Variants in ZNF554 observed in about 807,000 individuals in gnomAD.
ZNF554 encodes zinc finger protein 554.
In ZNF554, 15 loss-of-function variants were observed where a neutral mutation model predicts 21.2. The observed-to-expected ratio is 0.71, with a 90% confidence interval of 0.47 to 1.09. The LOEUF is 1.09. ZNF554 is among the 50% of genes least tolerant of loss of function. The pLI is 0.00. For synonymous variants in ZNF554, 258 were observed against 251.4 expected (o/e 1.03, Z -0.25); for missense variants, 691 against 662.7 (o/e 1.04, Z -0.47).
In ZNF554 at chr19:2,832,399, G is replaced by A; in HGVS notation, c.350G>A (p.Gly117Glu). ...GTCACTAGTCTTTCCTCATGGACGG[G>A]GTATTTACTTTTTCAACCAGTGGCT... is the stretch of plus-strand genomic sequence containing the variant. Reference protein sequence around the residue: ...SQVTSLSSWTGYLLFQPVASS... With the variant: ...SQVTSLSSWTEYLLFQPVASS... Residue 117 changes from glycine (G) to glutamate (E), a missense_variant, in exon 4 of 5, where the codon GGG (glycine) becomes GAG (glutamate). Gly to Glu is a moderately conservative substitution (Grantham distance 98). Transcript: ENST00000317243. 6.2e-7 allele frequency: 1 copy of A among 1,614,160 alleles called. No homozygotes were observed. The highest frequency in any genetic ancestry group is 8.5e-7 in the Non-Finnish European group (1 of 1,180,030).
intron 3 of ZNF554, among the ~76,000 whole-genome samples, chr19:2,829,910 C>T (rs1016235552): frequency 6.6e-6 from 1 of 151,878 alleles, no homozygotes; most frequent in Non-Finnish European, 1.5e-5. Flanking sequence ...ATGGATTTGC[C>T]TACCCTGGAC....
chr19:2,822,681 AC>A (rs1428688578), intron 1 of ZNF554, among the ~76,000 whole-genome samples: 2 of 152,022 alleles, frequency 1.3e-5, no homozygotes, highest in Admixed American at 6.5e-5. Context: ...GGAGCTATAG[AC>A]CTGGGACAAC....
rs764265490 is a variant in ZNF554 at position 2,834,507 on chromosome 19, C to A, written c.1272C>A (p.Ile424=). The A allele has an allele frequency of 1.1e-5, 18 of 1,614,072 alleles. No individual in the cohort carries two copies. The highest frequency in any genetic ancestry group is 1.5e-5 in the Non-Finnish European group (18 of 1,180,018). Residue 424 remains isoleucine, a synonymous_variant, in exon 5 of 5, where the codon ATC becomes ATA. Coordinates refer to ENST00000317243, the MANE Select transcript of ZNF554 (RefSeq NM_001102651.2). ...CCTTCTGCCAGAGCTCTTACCTGAT[C>A]TTGCACAAGAGGACACACACCGGAG... ...GKSFCQSSYL[I]LHKRTHTGEK... is the part of the protein sequence containing the mutation.
Position 2,833,732 on chromosome 19 carries a change from T to C in ZNF554, c.497T>C (p.Leu166Ser), listed in dbSNP as rs2144824649. The C allele has an allele frequency of 2.6e-6, 4 of 1,555,588 alleles. No individual in the cohort carries two copies. In the East Asian group the frequency reaches 9.1e-5, roughly 35 times the overall value. ...GACTCAACTTACAAGAAGGTGGCTT[T>C]GCAGGAGGAACCAGCCAGTGGTATA... The part of the protein sequence containing the change: ...NQDSTYKKVA[L>S]QEEPASGINM... The change falls in exon 5 of 5, where the codon TTG (leucine) becomes TCG (serine). Residue 166 changes from leucine to serine, a missense_variant. Coordinates refer to ENST00000317243, the MANE Select transcript of ZNF554 (RefSeq NM_001102651.2).
In ZNF554 at chr19:2,833,670, A is replaced by C. The variant is rs199806133; in HGVS notation, c.446-11A>C. The C allele has an allele frequency of 2.0e-6, 3 of 1,510,670 alleles. No homozygotes were observed. Among genetic ancestry groups the C allele is most frequent in the African/African-American group, 2.8e-5 (2 of 71,676 alleles). 93.6% of individuals were successfully genotyped at this position (1,510,670 alleles called of 1,614,324 possible). On this transcript the variant is annotated splice_polypyrimidine_tract_variant and intron_variant, in intron 4 of 4. Coordinates refer to ENST00000317243, the MANE Select transcript of ZNF554 (RefSeq NM_001102651.2). ...TTCTAAAAAAATGGTTTCCGCCTCA[A>C]TTTATTTCAGATTGGATGACTGTAC...
intron 2 of ZNF554, among the ~76,000 whole-genome samples, chr19:2,826,897 C>T (rs981566997): frequency 2.0e-5 from 3 of 151,960 alleles, no homozygotes; most frequent in African/African-American, 7.3e-5. Context: ...CTCCTGACGT[C>T]GTGATCCACC....
chr19:2,825,000 G>GTTTTTTTTTTTTTTTTTT lies in ZNF554; in HGVS notation c.126+1890_126+1891insTTTTTTTTTTTTTTTTTT, dbSNP rs1568332468. Among the ~76,000 whole-genome samples the GTTTTTTTTTTTTTTTTTT allele has an allele frequency of 6.1e-5, 7 of 114,914 alleles. 2 individuals carry two copies. The highest frequency in any genetic ancestry group is 1.1e-4 in the Non-Finnish European group (6 of 55,646). The allele number at this position is 114,914 out of a possible 152,430, so 75.4% of individuals were successfully genotyped here. ...TCTCACTGAGCATAACGTGATTGCA[G>GTTTTTTTTTTTTTTTTTT]TTGTTTTTTTTTTTTTTTTTTTTTT... On this transcript the variant is annotated intron_variant, in intron 2 of 4. Coordinates refer to ENST00000317243, the MANE Select transcript of ZNF554 (RefSeq NM_001102651.2).
chr19:2,825,850 C>T (rs1004278045), intron 2 of ZNF554, among the ~76,000 whole-genome samples: 3 of 152,162 alleles, frequency 2.0e-5, no homozygotes, highest in Non-Finnish European at 4.4e-5. Flanking sequence ...CTCAGGGTGC[C>T]TCCTGTATGC....
chr19:2,823,473 G>A (rs1293037164), intron 2 of ZNF554, among the ~76,000 whole-genome samples: 3 of 152,150 alleles, frequency 2.0e-5, no homozygotes, highest in Non-Finnish European at 4.4e-5. Flanking sequence ...TACTGTTAGA[G>A]CAGCTCAGAG....
At chr19:2,827,546 A>G (rs2087351485) in intron 2 of ZNF554, 71 bp from the exon 3 acceptor site, 15 of 1,550,820 alleles carry the variant, frequency 9.7e-6, no homozygotes, top group African/African-American at 9.7e-5. Flanking sequence ...GGTGCCACCA[A>G]CCTCACCCCT....
In ZNF554 at chr19:2,832,363, A is replaced by C; in HGVS notation, c.314A>C (p.Gln105Pro). The C allele has an allele frequency of 6.2e-7, 1 of 1,613,904 alleles. No homozygotes were observed. Among genetic ancestry groups the C allele is most frequent in the Non-Finnish European group, 8.5e-7 (1 of 1,179,926 alleles). The change falls in exon 4 of 5, where the codon CAA (glutamine) becomes CCA (proline). Residue 105 changes from glutamine to proline, a missense_variant. Transcript: ENST00000317243. Reference sequence around the variant, plus strand: ...AAAGAGGGTCCACTTTCCCCAGCACAAACCTCACAAGTCACTAGTCTTTCC... The same window carrying C: ...AAAGAGGGTCCACTTTCCCCAGCACCAACCTCACAAGTCACTAGTCTTTCC... ...GIKEGPLSPA[Q>P]TSQVTSLSSW...
In ZNF554 at chr19:2,834,564, G is replaced by C. The variant is rs775327031; in HGVS notation, c.1329G>C (p.Lys443Asn). ...CCTACGAATGCAGTGAATGTGGAAA[G>C]GCCTTCAGTGACCGTTCCTCTCTCA... Reference protein sequence around the residue: ...EKPYECSECGKAFSDRSSLNQ... With the variant: ...EKPYECSECGNAFSDRSSLNQ... The change falls in exon 5 of 5, where the codon AAG (lysine) becomes AAC (asparagine). Residue 443 changes from lysine (K) to asparagine (N), a missense_variant. Lys to Asn is a moderately conservative substitution (Grantham distance 94). Transcript: ENST00000317243. 21 of 1,613,930 alleles carry C rather than the reference G, an allele frequency of 1.3e-5. No homozygotes were observed. In the Admixed American group the frequency reaches 3.3e-4, roughly 26 times the overall value.
chr19:2,832,183 C>T (rs1489255775), intron 3 of ZNF554, 120 bp from the exon 4 acceptor site: 2 of 1,005,270 alleles, frequency 2.0e-6, no homozygotes, highest in South Asian at 3.8e-5. Context: ...GCCTCGGCCT[C>T]CCAAATTGCT....
At chr19:2,824,898 GTC>G (rs1423945247) in intron 2 of ZNF554, among the ~76,000 whole-genome samples, 2 of 149,792 alleles carry the variant, frequency 1.3e-5, no homozygotes, top group African/African-American at 4.9e-5. Context: ...CCTACTTTCT[GTC>G]TCTCTGAATC....
rs1367925744 is a variant in ZNF554 at position 2,820,063 on chromosome 19, C to T, written c.-9C>T. The T allele has an allele frequency of 3.3e-6, 4 of 1,208,296 alleles. No homozygotes were observed. Among genetic ancestry groups the T allele is most frequent in the Non-Finnish European group, 3.1e-6 (3 of 972,674 alleles). The allele number at this position is 1,208,296 out of a possible 1,614,324, so 74.8% of individuals were successfully genotyped here. On this transcript the variant is annotated 5_prime_UTR_variant, in exon 1 of 5. Transcript: ENST00000317243. ...GGGGGCCCTGTCTGGCGCCTCAGCG[C>T]GCGCCCCGATGGTCACCTGCGCCCA...
At position 2,836,445 on chromosome 19, in the gene ZNF554, C is replaced by T. The variant is rs981911353; in HGVS notation, c.*1593C>T. 7.9e-5 allele frequency among the ~76,000 whole-genome samples: 12 copies of T among 152,212 alleles called. No individual in the cohort carries two copies. Among genetic ancestry groups the T allele is most frequent in the African/African-American group, 2.7e-4 (11 of 41,448 alleles). On this transcript the variant is annotated 3_prime_UTR_variant, in exon 5 of 5. Coordinates refer to ENST00000317243, the MANE Select transcript of ZNF554 (RefSeq NM_001102651.2). ...CTTAGCTAGATCCGTTTGTCTTCTG[C>T]AGTACTGTGCTGATCCAGAGTATAT...
At chr19:2,825,011 T>G (rs913275134) in intron 2 of ZNF554, among the ~76,000 whole-genome samples, 4 of 147,626 alleles carry the variant, frequency 2.7e-5, no homozygotes, top group Non-Finnish European at 6.0e-5. Context: ...TTGTTTTTTT[T>G]TTTTTTTTTT....
intron 4 of ZNF554, 63 bp from the exon 5 acceptor site, chr19:2,833,618 C>T (rs2087449180): frequency 6.5e-6 from 9 of 1,393,682 alleles, no homozygotes; most frequent in African/African-American, 1.4e-5. Context: ...ACTTCTGTCC[C>T]GCTGGTTTTC....
In ZNF554 at chr19:2,835,975, T is replaced by A. The variant is rs1461408193; in HGVS notation, c.*1123T>A. Among the ~76,000 whole-genome samples the A allele has an allele frequency of 2.6e-5, 4 of 152,126 alleles. No individual in the cohort carries two copies. Among genetic ancestry groups the A allele is most frequent in the Admixed American group, 2.6e-4 (4 of 15,268 alleles). The stretch of plus-strand genomic sequence containing the variant: ...TCTCCGGTAGCTGGGACTACACATG[T>A]GCACCGCTACCACACCCAGCTAAAT... On this transcript the variant is annotated 3_prime_UTR_variant, in exon 5 of 5. Coordinates refer to ENST00000317243, the MANE Select transcript of ZNF554 (RefSeq NM_001102651.2).
Sources: gnomAD v4.1 joint callset for allele counts (sites outside exome capture counted in the v4.1 genomes callset) on GRCh38, gnomAD v4.1.1 for gene constraint, MANE v1.5 for transcripts, NCBI Gene and HGNC (gene_info 2026-07-23, HGNC 2026-07-21) for gene names.